Variants in CPEB1 observed in about 807,000 individuals in gnomAD.
CPEB1 encodes cytoplasmic polyadenylation element binding protein 1.
CPEB1 carries 7 observed loss-of-function variants against 65.8 expected under a neutral mutation model. The ratio of observed to expected loss-of-function variants is 0.11; its 90% confidence interval spans 0.06 to 0.20. The LOEUF (loss-of-function observed/expected upper bound fraction) is 0.20. Among genes scored for constraint, CPEB1 ranks in the 10% least tolerant of loss-of-function variants. CPEB1 has a pLI of 1.00. For synonymous variants in CPEB1, 262 were observed against 260.0 expected, an observed-to-expected ratio of 1.01 and a Z score of -0.08; for missense variants, 551 against 712.2, an observed-to-expected ratio of 0.77 and a Z score of 2.58.
At chr15:82,560,986 C>T (rs962454684) in intron 4 of CPEB1, among the ~76,000 whole-genome samples, 3 of 152,106 alleles carry the variant, frequency 2.0e-5, no homozygotes, top group African/African-American at 4.8e-5. Flanking sequence ...AAGAATGGGT[C>T]GTGCATTATA....
At chr15:82,577,059 T>C (rs1164698550) in intron 3 of CPEB1, among the ~76,000 whole-genome samples, 1 of 152,220 alleles carries the variant, frequency 6.6e-6, no homozygotes, top group Non-Finnish European at 1.5e-5. Flanking sequence ...GGCATTATAG[T>C]AGAAATTTTT....
At chr15:82,630,715 G>A (rs140890284) in intron 1 of CPEB1, among the ~76,000 whole-genome samples, 453 of 152,252 alleles carry the variant, frequency 3.0e-3, no homozygotes, top group African/African-American at 0.01. Context: ...GTGGCCTGGA[G>A]GGACAGAATG....
chr15:82,576,008 T>G (rs1877645294), intron 3 of CPEB1, among the ~76,000 whole-genome samples: 1 of 152,212 alleles, frequency 6.6e-6, no homozygotes, highest in African/African-American at 2.4e-5. Context: ...AAAGTGTATG[T>G]CTAATAAAAC....
At chr15:82,606,041 A>T (rs1352433271) in intron 3 of CPEB1, among the ~76,000 whole-genome samples, 2 of 152,216 alleles carry the variant, frequency 1.3e-5, no homozygotes, top group Non-Finnish European at 2.9e-5. Context: ...TCCACCTCAA[A>T]AAAAAAGACA....
At chr15:82,593,126 T>C in intron 3 of CPEB1, among the ~76,000 whole-genome samples, 1 of 152,254 alleles carries the variant, frequency 6.6e-6, no homozygotes, top group East Asian at 1.9e-4. Flanking sequence ...AAGGCTGGGT[T>C]AACTGCGGCA....
chr15:82,556,011 G>C lies in CPEB1; in HGVS notation c.799C>G (p.Leu267Val). The change falls in exon 6 of 13, where the codon CTT becomes GTT. Residue 267 changes from leucine (L) to valine (V), a missense_variant. Physicochemically the swap from Leu to Val is conservative, Grantham distance 32. Coordinates refer to ENST00000684509, the MANE Select transcript of CPEB1 (RefSeq NM_001365242.1). ...GSRMDQEQAA[L>V]AAVTPSPTSA... is the part of the protein sequence containing the mutation. ...GTTGGGGAGGGAGTGACTGCAGCAAGAGCAGCTTGCTCTTGGTCCATCCGA... is the reference window on the plus strand; with the variant it reads ...GTTGGGGAGGGAGTGACTGCAGCAACAGCAGCTTGCTCTTGGTCCATCCGA... 6.2e-7 allele frequency: 1 copy of C among 1,613,790 alleles called. No individual in the cohort carries two copies. The highest frequency in any genetic ancestry group is 8.5e-7 in the Non-Finnish European group (1 of 1,179,874).
At chr15:82,633,572 C>T in intron 1 of CPEB1, among the ~76,000 whole-genome samples, 1 of 152,044 alleles carries the variant, frequency 6.6e-6, no homozygotes, top group Non-Finnish European at 1.5e-5. Context: ...AGGGTTTCAC[C>T]ATGTTGGCCA....
At chr15:82,634,259 T>C (rs564696184) in intron 1 of CPEB1, among the ~76,000 whole-genome samples, 1 of 152,226 alleles carries the variant, frequency 6.6e-6, no homozygotes, top group Non-Finnish European at 1.5e-5. Context: ...CCACACTTTG[T>C]AGATATGTTT....
In CPEB1 at chr15:82,552,547, G is replaced by A. The variant is rs185845489; in HGVS notation, c.1214C>T (p.Pro405Leu). 63 of 1,611,896 alleles carry A rather than the reference G, an allele frequency of 3.9e-5. No homozygotes were observed. The highest frequency in any genetic ancestry group is 1.8e-4 in the East Asian group (8 of 44,738). Residue 405 changes from proline to leucine, a missense_variant, in exon 9 of 13, where the codon CCG (proline) becomes CTG (leucine). By Grantham distance (98) the Pro-to-Leu change is moderately conservative. Around this residue, in one of 6 missense-constraint regions of CPEB1, gnomAD observed 99 missense variants for 161.3 expected, o/e 0.61. Transcript: ENST00000684509. ...TTCACTCAGGCCATCTGGGCTCAGCGGGTCATGAGAGCAAGCCTGAAGCAA... is the reference window on the plus strand; with the variant it reads ...TTCACTCAGGCCATCTGGGCTCAGCAGGTCATGAGAGCAAGCCTGAAGCAA... ...RSLLQACSHD[P>L]LSPDGLSEYY...
chr15:82,617,764 C>T (rs1182425557), intron 3 of CPEB1, among the ~76,000 whole-genome samples: 1 of 106,204 alleles, frequency 9.4e-6, no homozygotes, highest in African/African-American at 3.7e-5. Context: ...GACGGAGTCT[C>T]GCTCTGTCGC....
intron 3 of CPEB1, among the ~76,000 whole-genome samples, chr15:82,623,633 G>A (rs558934693): frequency 2.6e-5 from 4 of 152,110 alleles, no homozygotes; most frequent in Admixed American, 6.5e-5. Flanking sequence ...CCGAGATCAC[G>A]CCACTGCACT....
At chr15:82,597,227 A>G (rs1202551149) in intron 3 of CPEB1, among the ~76,000 whole-genome samples, 3 of 152,158 alleles carry the variant, frequency 2.0e-5, no homozygotes, top group Non-Finnish European at 4.4e-5. Flanking sequence ...TTGGGACACT[A>G]AAGTGGGAGG....
At position 82,549,600 on chromosome 15, in the gene CPEB1, C is replaced by T; in HGVS notation, c.1340G>A (p.Arg447Lys). 6.2e-7 allele frequency: 1 copy of T among 1,614,186 alleles called. No homozygotes were observed. ...DSNFVRSPSQ[R>K]LDPSRTVFVG... is the part of the protein sequence containing the mutation. ...AAACACCGTCCTGCTGGGGTCAAGCCTCTGAGATGGGCTCCGGACAAAGTT... is the reference window on the plus strand; with the variant it reads ...AAACACCGTCCTGCTGGGGTCAAGCTTCTGAGATGGGCTCCGGACAAAGTT... Residue 447 changes from arginine (R) to lysine (K), a missense_variant, in exon 10 of 13, where the codon AGG becomes AAG. By Grantham distance (26) the Arg-to-Lys change is conservative (BLOSUM62 2). This residue lies in a region of CPEB1 where 99 missense variants were observed against 161.3 expected (regional missense o/e 0.61). Transcript: ENST00000684509.
In CPEB1 at chr15:82,584,903, C is replaced by CTTTTTTTTTTTTTTTTTTT. The variant is rs3080692; in HGVS notation, c.272-13390_272-13372dup. Among the ~76,000 whole-genome samples the CTTTTTTTTTTTTTTTTTTT allele has an allele frequency of 1.7e-3, 135 of 81,732 alleles. 11 individuals carry two copies. Among genetic ancestry groups the CTTTTTTTTTTTTTTTTTTT allele is most frequent in the African/African-American group, 2.4e-3 (40 of 16,870 alleles). 53.6% of individuals were successfully genotyped at this position (81,732 alleles called of 152,430 possible). A position where few individuals can be genotyped will look rare whatever the true frequency, so the allele number is the denominator to read the frequency against. On this transcript the variant is annotated intron_variant, in intron 3 of 12. Transcript: ENST00000684509. ...GACATAATTTTTTTTTCCTAATTTG[C>CTTTTTTTTTTTTTTTTTTT]TTTTTTTTTTTTTTTTTTTACAGTG...
chr15:82,648,124 T>G, upstream of CPEB1: 1 of 359,038 alleles, frequency 2.8e-6, no homozygotes, highest in Non-Finnish European at 5.0e-6. Flanking sequence ...CGAGGAGGGC[T>G]CCGCCGCCCA....
intron 9 of CPEB1, among the ~76,000 whole-genome samples, chr15:82,551,710 C>T (rs181140426): frequency 2.0e-5 from 3 of 152,236 alleles, no homozygotes; most frequent in African/African-American, 7.2e-5. Flanking sequence ...CTCTCAAATC[C>T]GATTTTACCA....
At chr15:82,559,258 G>A (rs1170687409) in intron 4 of CPEB1, among the ~76,000 whole-genome samples, 1 of 152,118 alleles carries the variant, frequency 6.6e-6, no homozygotes, top group Non-Finnish European at 1.5e-5. Context: ...ATATACACAA[G>A]ATCCCAAACA....
intron 3 of CPEB1, among the ~76,000 whole-genome samples, chr15:82,580,208 T>C (rs1244228970): frequency 6.6e-6 from 1 of 150,728 alleles, no homozygotes; most frequent in Non-Finnish European, 1.5e-5. Flanking sequence ...GTAGTCCCAG[T>C]TGCTCGAGAG....
chr15:82,633,059 A>G (rs1270494024), intron 1 of CPEB1: 2 of 152,074 alleles, frequency 1.3e-5, no homozygotes, highest in Non-Finnish European at 2.9e-5. Context: ...TTTTCAGCAT[A>G]TTTTGCCATA....
Sources: allele counts gnomAD v4.1 joint callset (sites outside exome capture counted in the v4.1 genomes callset), GRCh38; gene constraint gnomAD v4.1.1; regional missense constraint gnomAD v4.1.1; transcripts MANE v1.5; gene names NCBI Gene and HGNC (gene_info 2026-07-23, HGNC 2026-07-21).